The following NKAIN2 variants were observed in gnomAD, a reference collection of about 807,000 sequenced individuals.
NKAIN2 encodes sodium/potassium transporting ATPase interacting 2, also known as sodium/potassium-transporting ATPase subunit beta-1-interacting protein 2.
In NKAIN2, 14 loss-of-function variants were observed where a neutral mutation model predicts 32.6. The observed-to-expected ratio is 0.43, with a 90% CI of 0.28 to 0.67. The LOEUF is 0.67. Ranked by LOEUF, NKAIN2 falls within the 30% of genes least tolerant of loss-of-function variation. The pLI, the probability that NKAIN2 is intolerant of heterozygous loss-of-function variation, is 0.17. For synonymous variants in NKAIN2, 80 were observed against 87.2 expected (o/e 0.92, Z 0.46); for missense variants, 198 against 258.3 (o/e 0.77, Z 1.60).
chr6:124,166,991 G>A (rs1387096636), intron 1 of NKAIN2, among the ~76,000 whole-genome samples: 1 of 151,254 alleles, frequency 6.6e-6, no homozygotes, highest in African/African-American at 2.4e-5. Flanking sequence ...GGATTGACTT[G>A]GGGATGCGGG....
chr6:124,024,840 A>C (rs1040338941), intron 1 of NKAIN2, among the ~76,000 whole-genome samples: 3 of 152,000 alleles, frequency 2.0e-5, no homozygotes, highest in Non-Finnish European at 2.9e-5. Flanking sequence ...TACAAAAATT[A>C]GCCGAGCATG....
chr6:124,590,004 C>T (rs866494057), intron 3 of NKAIN2, among the ~76,000 whole-genome samples: 3 of 152,174 alleles, frequency 2.0e-5, no homozygotes, highest in South Asian at 2.1e-4. Context: ...TGGGTCCTCT[C>T]CTCATTGCTG....
At chr6:124,110,160 G>T (rs1417997234) in intron 1 of NKAIN2, among the ~76,000 whole-genome samples, 2 of 147,358 alleles carry the variant, frequency 1.4e-5, no homozygotes, top group Non-Finnish European at 1.5e-5. Flanking sequence ...TTTTCCAACA[G>T]CACATTGAAA....
chr6:123,870,214 A>G (rs1171385535), intron 1 of NKAIN2, among the ~76,000 whole-genome samples: 2 of 152,184 alleles, frequency 1.3e-5, no homozygotes, highest in Non-Finnish European at 2.9e-5. Flanking sequence ...ATAAATAAAT[A>G]TGGTATTTCA....
chr6:124,521,220 C>T (rs987466772), intron 3 of NKAIN2, among the ~76,000 whole-genome samples: 7 of 152,136 alleles, frequency 4.6e-5, no homozygotes, highest in Admixed American at 1.3e-4. Flanking sequence ...CACTGTTCCC[C>T]GTCTTACAAG....
At chr6:124,195,830 C>T (rs933700193) in intron 1 of NKAIN2, among the ~76,000 whole-genome samples, 7 of 151,866 alleles carry the variant, frequency 4.6e-5, no homozygotes, top group African/African-American at 1.7e-4. Context: ...TATTCATCTC[C>T]CATTTCCTTC....
At chr6:124,652,829 A>G (rs1784412536) in intron 3 of NKAIN2, among the ~76,000 whole-genome samples, 1 of 152,140 alleles carries the variant, frequency 6.6e-6, no homozygotes, top group South Asian at 2.1e-4. Flanking sequence ...GCATTAGTCC[A>G]TTGGTGAGCC....
intron 4 of NKAIN2, among the ~76,000 whole-genome samples, chr6:124,790,143 G>A (rs1582527614): frequency 6.6e-6 from 1 of 152,054 alleles, no homozygotes; most frequent in Admixed American, 6.6e-5. Flanking sequence ...CTGCCAGAAC[G>A]TGCTTTCTCT....
chr6:124,818,974 G>A (rs1447329654), intron 6 of NKAIN2: 1 of 158,722 alleles, frequency 6.3e-6, no homozygotes, highest in East Asian at 1.9e-4. Context: ...TTTTTCTGAT[G>A]TAAAAGTGAA....
chr6:124,316,336 C>T (rs954911089), intron 2 of NKAIN2, among the ~76,000 whole-genome samples: 3 of 152,004 alleles, frequency 2.0e-5, no homozygotes, highest in East Asian at 1.9e-4. Flanking sequence ...AATTTCTTAG[C>T]TCTCATAACT....
intron 1 of NKAIN2, among the ~76,000 whole-genome samples, chr6:124,251,895 C>A (rs1241976547): frequency 6.6e-6 from 1 of 151,780 alleles, no homozygotes; most frequent in Non-Finnish European, 1.5e-5. Context: ...AATTTTTGAA[C>A]CTGCAAAGAA....
chr6:124,185,987 A>G (rs950080790), intron 1 of NKAIN2, among the ~76,000 whole-genome samples: 2 of 151,158 alleles, frequency 1.3e-5, no homozygotes, highest in Admixed American at 1.3e-4. Flanking sequence ...TAGGAACCGT[A>G]GAAGCTCGGA....
At chr6:124,101,815 C>T (rs146040650) in intron 1 of NKAIN2, among the ~76,000 whole-genome samples, 148 of 152,170 alleles carry the variant, frequency 9.7e-4, no homozygotes, top group African/African-American at 3.4e-3. Flanking sequence ...CGGATGTGAG[C>T]CCTCAAGCAC....
intron 3 of NKAIN2, among the ~76,000 whole-genome samples, chr6:124,424,949 T>C (rs1251202024): frequency 6.6e-6 from 1 of 152,178 alleles, no homozygotes; most frequent in African/African-American, 2.4e-5. Flanking sequence ...GGATCAATGG[T>C]AGTTCTATTT....
chr6:124,711,455 C>G (rs1222220698), intron 4 of NKAIN2, among the ~76,000 whole-genome samples: 1 of 150,974 alleles, frequency 6.6e-6, no homozygotes, highest in African/African-American at 2.4e-5. Context: ...TTCAGGTACA[C>G]CAGTCAGACA....
chr6:124,245,500 T>C (rs2114790611), intron 1 of NKAIN2, among the ~76,000 whole-genome samples: 1 of 152,256 alleles, frequency 6.6e-6, no homozygotes, highest in Admixed American at 6.6e-5. Flanking sequence ...TAGACTATTT[T>C]CATTTGCTAA....
chr6:124,736,122 T>TAAGATGGAG (rs1776924762), intron 4 of NKAIN2, among the ~76,000 whole-genome samples: 2 of 151,958 alleles, frequency 1.3e-5, no homozygotes, highest in South Asian at 4.2e-4. Context: ...GCTACTCCAA[T>TAAGATGGAG]AAACATATAA....
At chr6:124,373,658 T>A (rs1339251570) in intron 3 of NKAIN2, among the ~76,000 whole-genome samples, 2 of 152,046 alleles carry the variant, frequency 1.3e-5, no homozygotes, top group African/African-American at 4.8e-5. Flanking sequence ...GAGTGCCCAG[T>A]GACGTAGGAA....
chr6:124,624,834 C>T (rs1469401260), intron 3 of NKAIN2, among the ~76,000 whole-genome samples: 1 of 151,988 alleles, frequency 6.6e-6, no homozygotes, highest in Non-Finnish European at 1.5e-5. Flanking sequence ...TGAAAAATAT[C>T]GCTTGAGCAA....
Sources: allele counts gnomAD v4.1 joint callset (sites outside exome capture counted in the v4.1 genomes callset), GRCh38; gene constraint gnomAD v4.1.1; transcripts MANE v1.5; gene names NCBI Gene and HGNC (gene_info 2026-07-23, HGNC 2026-07-21).